The following KCNQ3 variants were observed in gnomAD, a reference collection of about 807,000 sequenced individuals.
The protein encoded by KCNQ3 is potassium voltage-gated channel subfamily KQT member 3.
A neutral mutation model predicts 92.5 loss-of-function variants in KCNQ3; 30 were observed. That is an observed-to-expected ratio of 0.32 (90% CI 0.24 to 0.44). The LOEUF (loss-of-function observed/expected upper bound fraction) is 0.44, where lower values mean the gene tolerates loss of function less well. Ranked by LOEUF, KCNQ3 falls within the 20% of genes least tolerant of loss-of-function variation. KCNQ3 has a pLI of 1.00. For synonymous variants in KCNQ3, 450 were observed against 468.8 expected (o/e 0.96, Z 0.52); for missense variants, 913 against 1,140.3 (o/e 0.80, Z 2.87).
chr8:132,379,666 A>T (rs952156668), intron 1 of KCNQ3, among the ~76,000 whole-genome samples: 6 of 152,150 alleles, frequency 3.9e-5, no homozygotes, highest in Non-Finnish European at 7.3e-5. Flanking sequence ...CTGTAATTTC[A>T]TGTAACAGGT....
intron 1 of KCNQ3, among the ~76,000 whole-genome samples, chr8:132,217,739 T>G (rs985547044): frequency 1.4e-5 from 2 of 140,186 alleles, no homozygotes; most frequent in African/African-American, 5.5e-5. Context: ...AACAAAACAC[T>G]GGGAGTCTGA....
chr8:132,164,380 GCCCAGCACGTGAGA>G (rs1382766352), intron 8 of KCNQ3, among the ~76,000 whole-genome samples: 176 of 149,834 alleles, frequency 1.2e-3, no homozygotes, highest in African/African-American at 4.3e-3. Context: ...GCACTCTGGA[GCCCAGCACGTGAGA>G]GTGCTCACTA....
At chr8:132,359,176 C>T (rs1026457442) in intron 1 of KCNQ3, among the ~76,000 whole-genome samples, 2 of 152,126 alleles carry the variant, frequency 1.3e-5, no homozygotes, top group African/African-American at 2.4e-5. Flanking sequence ...GACAGTTTAA[C>T]GGTAGTGGGG....
At chr8:132,148,120 T>C (rs1825508593) in intron 9 of KCNQ3, among the ~76,000 whole-genome samples, 1 of 152,204 alleles carries the variant, frequency 6.6e-6, no homozygotes, top group Non-Finnish European at 1.5e-5. Context: ...TTTTATTCTT[T>C]AAAATAAAAT....
chr8:132,425,245 T>C (rs1821078299), intron 1 of KCNQ3, among the ~76,000 whole-genome samples: 1 of 152,326 alleles, frequency 6.6e-6, no homozygotes, highest in East Asian at 1.9e-4. Flanking sequence ...CTGCTATTTA[T>C]AGAAGGCGTA....
At chr8:132,294,002 T>TTTG (rs1405708164) in intron 1 of KCNQ3, among the ~76,000 whole-genome samples, 8 of 110,386 alleles carry the variant, frequency 7.2e-5, no homozygotes, top group South Asian at 3.2e-4. Flanking sequence ...TGTGTGTGGT[T>TTTG]TTTTTTTTTT....
intron 1 of KCNQ3, among the ~76,000 whole-genome samples, chr8:132,443,395 T>C (rs1282734004): frequency 1.3e-5 from 2 of 152,112 alleles, no homozygotes; most frequent in African/African-American, 4.8e-5. Flanking sequence ...ATTGGGTAGT[T>C]TCTAGGGCTA....
chr8:132,340,118 C>A (rs1818482547), intron 1 of KCNQ3, among the ~76,000 whole-genome samples: 1 of 152,172 alleles, frequency 6.6e-6, no homozygotes, highest in Non-Finnish European at 1.5e-5. Flanking sequence ...ACAACAGATG[C>A]TGGCGAGGCT....
intron 1 of KCNQ3, among the ~76,000 whole-genome samples, chr8:132,245,867 G>A (rs1471557726): frequency 1.3e-5 from 2 of 152,138 alleles, no homozygotes; most frequent in African/African-American, 2.4e-5. Context: ...TAGACCGTGA[G>A]TCCTTCGGGG....
chr8:132,161,621 G>A (rs185789523), intron 9 of KCNQ3, among the ~76,000 whole-genome samples: 127 of 149,082 alleles, frequency 8.5e-4, no homozygotes, highest in African/African-American at 3.1e-3. Context: ...AACAGAGCAA[G>A]ACTTCATCTC....
intron 9 of KCNQ3, among the ~76,000 whole-genome samples, chr8:132,156,191 C>T (rs1368483953): frequency 3.3e-5 from 5 of 151,772 alleles, no homozygotes; most frequent in Non-Finnish European, 4.4e-5. Flanking sequence ...CTCTAGTGAG[C>T]ACCTATCATG....
At chr8:132,248,445 G>A (rs1078332) in intron 1 of KCNQ3, among the ~76,000 whole-genome samples, 114,349 of 151,746 alleles carry the variant, frequency 0.75, 43,241 homozygotes, top group East Asian at 0.87. Context: ...CACATCTCCA[G>A]TTGAAAATGA....
chr8:132,478,665 C>G (rs1349960459), intron 1 of KCNQ3, among the ~76,000 whole-genome samples: 2 of 151,958 alleles, frequency 1.3e-5, no homozygotes, highest in South Asian at 2.1e-4. Context: ...CACACTCATA[C>G]AGACACCAAC....
chr8:132,317,181 T>C (rs1817768129), intron 1 of KCNQ3, among the ~76,000 whole-genome samples: 1 of 152,188 alleles, frequency 6.6e-6, no homozygotes, highest in Admixed American at 6.5e-5. Context: ...TTGTAACTGT[T>C]TAATAAAGGT....
At position 132,442,021 on chromosome 8, in the gene KCNQ3, T is replaced by C. The variant is rs368202556; in HGVS notation, c.386+38126A>G. Among the ~76,000 whole-genome samples, 12 of 152,196 alleles carry C rather than the reference T, an allele frequency of 7.9e-5. No homozygotes were observed. The South Asian group carries it at 2.3e-3, about 29-fold the overall frequency. Reference sequence around the variant, plus strand: ...TTCTCACTTATAAGTGAGAGCTAAATGATTGAGAATACATGGACACACAGA... The same window carrying C: ...TTCTCACTTATAAGTGAGAGCTAAACGATTGAGAATACATGGACACACAGA... On this transcript the variant is annotated intron_variant, in intron 1 of 14. Coordinates refer to ENST00000388996, the MANE Select transcript of KCNQ3 (RefSeq NM_004519.4).
intron 1 of KCNQ3, among the ~76,000 whole-genome samples, chr8:132,341,855 T>C (rs1818537594): frequency 6.6e-6 from 1 of 152,224 alleles, no homozygotes; most frequent in Non-Finnish European, 1.5e-5. Context: ...AGTTTTTACC[T>C]GGCAAAAATA....
intron 1 of KCNQ3, among the ~76,000 whole-genome samples, chr8:132,331,476 A>G (rs1818227166): frequency 6.6e-6 from 1 of 152,122 alleles, no homozygotes; most frequent in Non-Finnish European, 1.5e-5. Flanking sequence ...ATGGCATCCC[A>G]TGGTTAACAT....
intron 1 of KCNQ3, among the ~76,000 whole-genome samples, chr8:132,280,817 T>G (rs1418232377): frequency 1.3e-5 from 2 of 152,200 alleles, no homozygotes; most frequent in Admixed American, 6.5e-5. Flanking sequence ...TTCCTCTTTT[T>G]GTTTGCGATG....
At chr8:132,190,687 G>A (rs1399322143) in intron 1 of KCNQ3, among the ~76,000 whole-genome samples, 1 of 152,206 alleles carries the variant, frequency 6.6e-6, no homozygotes, top group Non-Finnish European at 1.5e-5. Flanking sequence ...TTCGTGAGAT[G>A]CTCAGCAGAG....
Sources: gnomAD v4.1 joint callset for allele counts (sites outside exome capture counted in the v4.1 genomes callset) on GRCh38, gnomAD v4.1.1 for gene constraint, MANE v1.5 for transcripts, NCBI Gene and HGNC (gene_info 2026-07-23, HGNC 2026-07-21) for gene names.